Variants in BMERB1 observed in about 807,000 individuals in gnomAD.
BMERB1 encodes bMERB domain-containing protein 1.
A neutral mutation model predicts 23.6 loss-of-function variants in BMERB1; 12 were observed. The ratio of observed to expected loss-of-function variants is 0.51; its 90% CI spans 0.33 to 0.82. The LOEUF is 0.82. Among genes scored for constraint, BMERB1 ranks in the 40% least tolerant of loss-of-function variants. The pLI is 0.03. For synonymous variants in BMERB1, 122 were observed against 96.6 expected (o/e 1.26, Z -1.54); for missense variants, 247 against 255.4 (o/e 0.97, Z 0.22).
intron 2 of BMERB1, among the ~76,000 whole-genome samples, chr16:15,565,193 C>T (rs1014342437): frequency 1.4e-4 from 22 of 152,060 alleles, no homozygotes; most frequent in Admixed American, 1.3e-4. Flanking sequence ...CGCTGAGGAA[C>T]GAGGCAGAAA....
intron 1 of BMERB1, among the ~76,000 whole-genome samples, chr16:15,507,841 C>T (rs901714091): frequency 1.3e-5 from 2 of 152,164 alleles, no homozygotes; most frequent in African/African-American, 4.8e-5. Context: ...GGACACAACA[C>T]CCCAACCCAG....
intron 1 of BMERB1, among the ~76,000 whole-genome samples, chr16:15,475,633 C>G (rs888147202): frequency 2.6e-5 from 4 of 152,148 alleles, no homozygotes; most frequent in Non-Finnish European, 4.4e-5. Context: ...TCACTCAAGC[C>G]TTGGTGTCAC....
chr16:15,498,873 G>C (rs1043471356), intron 1 of BMERB1, among the ~76,000 whole-genome samples: 3 of 152,232 alleles, frequency 2.0e-5, no homozygotes, highest in Admixed American at 2.0e-4. Context: ...CTGCTGCACA[G>C]CCTACAGTGT....
chr16:15,444,126 T>G (rs1000598997), intron 1 of BMERB1, among the ~76,000 whole-genome samples: 1 of 70,332 alleles, frequency 1.4e-5, no homozygotes, highest in Non-Finnish European at 3.2e-5. Flanking sequence ...CAGCTTTGTT[T>G]TTTTTTTTTT....
chr16:15,550,018 C>T (rs943872542), intron 2 of BMERB1, among the ~76,000 whole-genome samples: 4 of 151,738 alleles, frequency 2.6e-5, no homozygotes, highest in East Asian at 1.9e-4. Context: ...GGTGCCATCT[C>T]GGCTCACTGC....
intron 1 of BMERB1, among the ~76,000 whole-genome samples, chr16:15,444,122 T>G (rs957687900): frequency 3.4e-5 from 4 of 118,824 alleles, no homozygotes; most frequent in African/African-American, 1.2e-4. Context: ...GCACCAGCTT[T>G]GTTTTTTTTT....
At chr16:15,487,111 T>C (rs1428456673) in intron 1 of BMERB1, among the ~76,000 whole-genome samples, 1 of 152,224 alleles carries the variant, frequency 6.6e-6, no homozygotes, top group African/African-American at 2.4e-5. Context: ...GAATAACCAT[T>C]ACTAAGATTG....
rs922368283 is a variant in BMERB1 at position 15,562,319 on chromosome 16, A to T, written c.231-5664A>T. Among the ~76,000 whole-genome samples, 9 of 150,502 alleles carry T rather than the reference A, an allele frequency of 6.0e-5. No homozygotes were observed. In the East Asian group the frequency reaches 1.4e-3, roughly 23 times the overall value. On this transcript the variant is annotated intron_variant, in intron 2 of 5. Transcript: ENST00000300006. ...ACTCTTTTTCAAAAAAAAAAAAAAAAACATAAATAAATAATTAAAAATGAG... is the reference window on the plus strand; with the variant it reads ...ACTCTTTTTCAAAAAAAAAAAAAAATACATAAATAAATAATTAAAAATGAG...
intron 1 of BMERB1, among the ~76,000 whole-genome samples, chr16:15,505,044 G>T (rs998605742): frequency 6.6e-6 from 1 of 152,132 alleles, no homozygotes; most frequent in Non-Finnish European, 1.5e-5. Context: ...TTAACCCATG[G>T]CTGAGAATTG....
At chr16:15,440,177 A>G (rs181148024) in intron 1 of BMERB1, among the ~76,000 whole-genome samples, 2 of 147,310 alleles carry the variant, frequency 1.4e-5, no homozygotes, top group African/African-American at 5.0e-5. Context: ...CTCAGGAGGC[A>G]GAGGTTGCAG....
chr16:15,586,993 C>G lies in BMERB1; in HGVS notation c.*164C>G, dbSNP rs1211961427. On this transcript the variant is annotated 3_prime_UTR_variant, in exon 6 of 6. Coordinates refer to ENST00000300006, the MANE Select transcript of BMERB1 (RefSeq NM_033201.3). ...GGCACGGCAGGCGGGCCTGGCCACC[C>G]TGTACAGAGTGTAGCAGTAGGGAGT... 3 of 601,996 alleles carry G rather than the reference C, an allele frequency of 5.0e-6. No individual in the cohort carries two copies. Among genetic ancestry groups the G allele is most frequent in the Non-Finnish European group, 8.9e-6 (3 of 338,266 alleles). 37.3% of individuals were successfully genotyped at this position (601,996 alleles called of 1,614,324 possible). A position where few individuals can be genotyped will look rare whatever the true frequency, so the allele number is the denominator to read the frequency against.
chr16:15,443,648 T>C (rs1189069724), intron 1 of BMERB1, among the ~76,000 whole-genome samples: 1 of 152,026 alleles, frequency 6.6e-6, no homozygotes, highest in Non-Finnish European at 1.5e-5. Flanking sequence ...CCAGGCATGG[T>C]GGCTCGAGCC....
intron 2 of BMERB1, among the ~76,000 whole-genome samples, chr16:15,522,027 C>G (rs2051859140): frequency 6.6e-6 from 1 of 152,180 alleles, no homozygotes. Flanking sequence ...TGGCTCGCTT[C>G]AGCTTTTCCA....
At chr16:15,475,013 C>T (rs1046739624) in intron 1 of BMERB1, among the ~76,000 whole-genome samples, 1 of 152,062 alleles carries the variant, frequency 6.6e-6, no homozygotes, top group Non-Finnish European at 1.5e-5. Flanking sequence ...AAGCAGGTAG[C>T]CTTCCTGTTG....
intron 2 of BMERB1, among the ~76,000 whole-genome samples, chr16:15,529,745 A>G (rs1183396089): frequency 6.6e-6 from 1 of 151,994 alleles, no homozygotes; most frequent in Non-Finnish European, 1.5e-5. Context: ...GTTCCCTTCC[A>G]TGTGGCAGGT....
At chr16:15,545,907 T>C (rs570728038) in intron 2 of BMERB1, among the ~76,000 whole-genome samples, 2 of 152,146 alleles carry the variant, frequency 1.3e-5, no homozygotes, top group African/African-American at 4.8e-5. Context: ...CCCAAGACCA[T>C]GTGTAAGTAA....
chr16:15,463,680 A>G (rs1049082948), intron 1 of BMERB1, among the ~76,000 whole-genome samples: 11 of 152,116 alleles, frequency 7.2e-5, no homozygotes, highest in Non-Finnish European at 1.6e-4. Context: ...CATGCTCCCC[A>G]AAAGATGTCA....
intron 1 of BMERB1, among the ~76,000 whole-genome samples, chr16:15,494,166 C>T (rs924657279): frequency 3.3e-5 from 5 of 152,174 alleles, no homozygotes; most frequent in African/African-American, 1.2e-4. Context: ...AATGAACCTA[C>T]AGAAGTGCCG....
chr16:15,586,455 C>A (rs990582972), intron 5 of BMERB1, among the ~76,000 whole-genome samples: 2 of 152,172 alleles, frequency 1.3e-5, no homozygotes, highest in African/African-American at 4.8e-5. Context: ...ATGATGATAA[C>A]AGCTGACTAG....
Sources: allele counts gnomAD v4.1 joint callset (sites outside exome capture counted in the v4.1 genomes callset), GRCh38; gene constraint gnomAD v4.1.1; transcripts MANE v1.5; gene names NCBI Gene and HGNC (gene_info 2026-07-23, HGNC 2026-07-21).